Variants in LRRTM4 observed in about 807,000 individuals in gnomAD.
The protein encoded by LRRTM4 is leucine-rich repeat transmembrane neuronal protein 4.
A neutral mutation model predicts 47.6 loss-of-function variants in LRRTM4; 25 were observed. The ratio of observed to expected loss-of-function variants is 0.53; its 90% CI spans 0.38 to 0.73. LRRTM4 has a LOEUF of 0.73. LRRTM4 is among the 30% of genes least tolerant of loss of function. The pLI is 0.00. For missense variants in LRRTM4, 638 were observed against 713.4 expected, an observed-to-expected ratio of 0.89 and a Z score of 1.20; for synonymous variants, 311 against 269.5, an observed-to-expected ratio of 1.15 and a Z score of -1.51.
chr2:76,947,360 C>G (rs1156715695), intron 3 of LRRTM4, among the ~76,000 whole-genome samples: 1 of 151,698 alleles, frequency 6.6e-6, no homozygotes, highest in Admixed American at 6.6e-5. Context: ...CATAACTTCT[C>G]TAGAAAAACA....
chr2:76,960,059 G>A (rs1296846621), intron 3 of LRRTM4, among the ~76,000 whole-genome samples: 1 of 150,962 alleles, frequency 6.6e-6, no homozygotes, highest in Non-Finnish European at 1.5e-5. Flanking sequence ...ACCAAACTTA[G>A]GGAAGAATGG....
chr2:77,182,513 G>T (rs1673377769), intron 3 of LRRTM4, among the ~76,000 whole-genome samples: 1 of 151,922 alleles, frequency 6.6e-6, no homozygotes, highest in Non-Finnish European at 1.5e-5. Context: ...TAACAAACCT[G>T]CACATTCTGC....
intron 3 of LRRTM4, among the ~76,000 whole-genome samples, chr2:76,829,126 T>C (rs1160534688): frequency 6.6e-6 from 1 of 151,892 alleles, no homozygotes. Context: ...CATTTTCTGC[T>C]CAAATGTTCC....
At chr2:77,201,908 A>C (rs1673987216) in intron 3 of LRRTM4, among the ~76,000 whole-genome samples, 1 of 152,080 alleles carries the variant, frequency 6.6e-6, no homozygotes, top group Admixed American at 6.6e-5. Context: ...CATCGATGCT[A>C]TTTCAGATCT....
intron 3 of LRRTM4, among the ~76,000 whole-genome samples, chr2:77,186,853 G>A (rs1019466279): frequency 6.6e-6 from 1 of 152,148 alleles, no homozygotes; most frequent in African/African-American, 2.4e-5. Flanking sequence ...CAAACCCCAA[G>A]AAGCTGCCGG....
At chr2:77,492,373 C>G (rs565825665) in intron 3 of LRRTM4, among the ~76,000 whole-genome samples, 41 of 152,260 alleles carry the variant, frequency 2.7e-4, no homozygotes, top group Non-Finnish European at 3.5e-4. Context: ...AATCCTTTTG[C>G]TTTAGCCTCT....
At chr2:76,834,415 T>C (rs1199972048) in intron 3 of LRRTM4, among the ~76,000 whole-genome samples, 1 of 151,928 alleles carries the variant, frequency 6.6e-6, no homozygotes, top group East Asian at 1.9e-4. Context: ...AAAGAGGAGA[T>C]TTCAAGATAT....
chr2:76,936,196 C>T (rs1558748607), intron 3 of LRRTM4, among the ~76,000 whole-genome samples: 1 of 152,048 alleles, frequency 6.6e-6, no homozygotes, highest in Non-Finnish European at 1.5e-5. Context: ...CCCAAATGCC[C>T]ATCAATGATA....
intron 3 of LRRTM4, among the ~76,000 whole-genome samples, chr2:77,325,153 G>C (rs1401236755): frequency 3.3e-5 from 5 of 151,964 alleles, no homozygotes; most frequent in Non-Finnish European, 5.9e-5. Context: ...TATACTCCCA[G>C]ACAATAATGA....
At chr2:77,181,776 G>T (rs965420549) in intron 3 of LRRTM4, among the ~76,000 whole-genome samples, 1 of 151,910 alleles carries the variant, frequency 6.6e-6, no homozygotes, top group Non-Finnish European at 1.5e-5. Flanking sequence ...GGGGAGGAAA[G>T]GCAATTTAAC....
At chr2:76,890,340 A>G (rs377043363) in intron 3 of LRRTM4, among the ~76,000 whole-genome samples, 4 of 152,006 alleles carry the variant, frequency 2.6e-5, no homozygotes, top group African/African-American at 9.7e-5. Context: ...GCCAAAGCTG[A>G]GAACAAATGA....
rs150489017 is a variant in LRRTM4, at chr2:76,759,884, G to A, written c.1552-10968C>T. 2.2e-4 allele frequency among the ~76,000 whole-genome samples: 34 copies of A among 152,074 alleles called. No homozygotes were observed. In the East Asian group the frequency reaches 5.6e-3, roughly 25 times the overall value. On this transcript the variant is annotated intron_variant, in intron 3 of 3. Transcript: ENST00000409884. The stretch of plus-strand genomic sequence containing the variant: ...GATTCACATATGTAAACCATTTCCT[G>A]TTTCAATTCCTTGTTTATTTTCTTC...
rs1270021067 is a variant in LRRTM4, at chr2:77,398,994, T to A, written c.1551+119324A>T. On this transcript the variant is annotated intron_variant, in intron 3 of 3. Transcript: ENST00000409884. The stretch of plus-strand genomic sequence containing the variant: ...TTGAAAATGCTATATAAACTGCATA[T>A]ATTTTACAAATGGTAGCAGTTCTCC... Among the ~76,000 whole-genome samples, 6 of 151,854 alleles carry A rather than the reference T, an allele frequency of 4.0e-5. No individual in the cohort carries two copies. The South Asian group carries it at 1.0e-3, about 26-fold the overall frequency.
At chr2:77,328,459 C>T (rs1315120826) in intron 3 of LRRTM4, among the ~76,000 whole-genome samples, 1 of 152,104 alleles carries the variant, frequency 6.6e-6, no homozygotes, top group Non-Finnish European at 1.5e-5. Flanking sequence ...AGTCATGCCC[C>T]CTCCCTTCCT....
chr2:77,200,123 A>T (rs1159977547), intron 3 of LRRTM4, among the ~76,000 whole-genome samples: 1 of 152,056 alleles, frequency 6.6e-6, no homozygotes, highest in Non-Finnish European at 1.5e-5. Context: ...TTCCCAACAT[A>T]CTTGGCCATG....
At chr2:76,980,994 T>A (rs1163134084) in intron 3 of LRRTM4, among the ~76,000 whole-genome samples, 3 of 152,076 alleles carry the variant, frequency 2.0e-5, no homozygotes, top group African/African-American at 7.2e-5. Flanking sequence ...GGCCTTTAAT[T>A]TCCTTGGGGC....
At chr2:76,994,905 T>G (rs894594926) in intron 3 of LRRTM4, among the ~76,000 whole-genome samples, 4 of 152,036 alleles carry the variant, frequency 2.6e-5, no homozygotes, top group Non-Finnish European at 5.9e-5. Flanking sequence ...GCATTCTATC[T>G]AAGCTAAATT....
intron 3 of LRRTM4, among the ~76,000 whole-genome samples, chr2:77,172,233 G>C (rs1673068248): frequency 6.6e-6 from 1 of 152,124 alleles, no homozygotes; most frequent in Non-Finnish European, 1.5e-5. Flanking sequence ...GAAATGTTGG[G>C]AATACATATT....
chr2:76,846,328 T>G (rs1269712932), intron 3 of LRRTM4, among the ~76,000 whole-genome samples: 5 of 152,148 alleles, frequency 3.3e-5, no homozygotes, highest in Admixed American at 3.3e-4. Context: ...GTCCTCACTT[T>G]CTTCAAGTTG....
Sources: gnomAD v4.1 joint callset for allele counts (sites outside exome capture counted in the v4.1 genomes callset) on GRCh38, gnomAD v4.1.1 for gene constraint, MANE v1.5 for transcripts, NCBI Gene and HGNC (gene_info 2026-07-23, HGNC 2026-07-21) for gene names.